GDAP1: variants seen among roughly 807,000 people sequenced by gnomAD.
GDAP1 encodes ganglioside-induced differentiation-associated protein 1.
GDAP1 carries 34 observed loss-of-function variants against 40.1 expected under a neutral mutation model. The ratio of observed to expected loss-of-function variants is 0.85; its 90% CI spans 0.64 to 1.13. The LOEUF (loss-of-function observed/expected upper bound fraction) is 1.13. Among genes scored for constraint, GDAP1 ranks in the 50% most tolerant of loss-of-function variants. The pLI is 0.00. For missense variants in GDAP1, 374 were observed against 433.7 expected, an observed-to-expected ratio of 0.86 and a Z score of 1.22; for synonymous variants, 170 against 157.4, an observed-to-expected ratio of 1.08 and a Z score of -0.60.
At chr8:74,422,346 TTTCTTCCCTTCCTTCC>T (rs1317123522) in intron 2 of GDAP1, among the ~76,000 whole-genome samples, 5,167 of 49,314 alleles carry the variant, frequency 0.1, 266 homozygotes, top group South Asian at 0.16. Context: ...TCTTTCTTTC[TTTCTTCCCTTCCTTCC>T]TTCCTTCCTT....
intron 2 of GDAP1, among the ~76,000 whole-genome samples, chr8:74,352,415 A>C (rs1329997078): frequency 5.3e-4 from 1 of 1,902 alleles, no homozygotes; most frequent in East Asian, 0.25. Context: ...TGATGTTAAT[A>C]GGGTAGGTGA....
chr8:74,378,204 A>G (rs1809890796), intron 2 of GDAP1, among the ~76,000 whole-genome samples: 1 of 151,944 alleles, frequency 6.6e-6, no homozygotes, highest in Non-Finnish European at 1.5e-5. Flanking sequence ...CTACCAGGCC[A>G]CTCTCCTGGA....
chr8:74,396,754 A>G (rs974303938), intron 2 of GDAP1, among the ~76,000 whole-genome samples: 2 of 152,248 alleles, frequency 1.3e-5, no homozygotes, highest in African/African-American at 4.8e-5. Context: ...CCAGTCTATC[A>G]TTGTTGGACA....
chr8:74,402,734 C>G (rs1810369524), intron 2 of GDAP1, among the ~76,000 whole-genome samples: 1 of 149,926 alleles, frequency 6.7e-6, no homozygotes, highest in Admixed American at 6.6e-5. Context: ...GCACTAAAAG[C>G]AAAAAATACT....
At chr8:74,397,920 G>A (rs1456343672) in intron 2 of GDAP1, among the ~76,000 whole-genome samples, 1 of 151,644 alleles carries the variant, frequency 6.6e-6, no homozygotes, top group African/African-American at 2.4e-5. Context: ...GATGGGGATG[G>A]CATTGAATCT....
intron 2 of GDAP1, among the ~76,000 whole-genome samples, chr8:74,427,021 T>A (rs1805956325): frequency 6.6e-6 from 1 of 152,210 alleles, no homozygotes; most frequent in Admixed American, 6.5e-5. Context: ...GGCCTCTTCT[T>A]ACATGGACTG....
In GDAP1 at chr8:74,412,645, C is replaced by A. The variant is rs949813616; in HGVS notation, c.165+61324C>A. ...CTAGAATTTAATAATAAAGGCAAAA[C>A]AAAATTTTACTAACACAAATACTAA... On this transcript the variant is annotated intron_variant, in intron 2 of 2. Transcript: ENST00000523640. Among the ~76,000 whole-genome samples the A allele has an allele frequency of 8.7e-5, 13 of 149,758 alleles. 4 individuals are homozygous for A. The highest frequency in any genetic ancestry group is 3.3e-4 in the African/African-American group (13 of 39,214).
chr8:74,396,760 G>A (rs1302554204), intron 2 of GDAP1, among the ~76,000 whole-genome samples: 5 of 152,120 alleles, frequency 3.3e-5, no homozygotes, highest in Non-Finnish European at 7.3e-5. Context: ...TATCATTGTT[G>A]GACATTTGGG....
At chr8:74,463,657 CAT>C (rs1247374174) in intron 2 of GDAP1, among the ~76,000 whole-genome samples, 1 of 151,992 alleles carries the variant, frequency 6.6e-6, no homozygotes, top group Non-Finnish European at 1.5e-5. Flanking sequence ...AAGTGTAAGA[CAT>C]ATGTAGCTTT....
chr8:74,483,627 C>A (rs1048806330), intron 2 of GDAP1, among the ~76,000 whole-genome samples: 7 of 152,136 alleles, frequency 4.6e-5, no homozygotes, highest in Admixed American at 1.3e-4. Context: ...AAACTCCATA[C>A]TCTCAGAGGC....
At chr8:74,467,176 G>A (rs1271416167) in intron 2 of GDAP1, among the ~76,000 whole-genome samples, 1 of 152,216 alleles carries the variant, frequency 6.6e-6, no homozygotes, top group African/African-American at 2.4e-5. Flanking sequence ...AGTAGAGAAG[G>A]AGTTGGAAGT....
chr8:74,484,407 G>A (rs533840896), intron 2 of GDAP1, among the ~76,000 whole-genome samples: 2 of 152,104 alleles, frequency 1.3e-5, no homozygotes, highest in Non-Finnish European at 2.9e-5. Context: ...ATTTGTAACA[G>A]CATTCCATTA....
At chr8:74,466,282 C>A (rs1448910575) in intron 2 of GDAP1, among the ~76,000 whole-genome samples, 1 of 152,162 alleles carries the variant, frequency 6.6e-6, no homozygotes, top group African/African-American at 2.4e-5. Flanking sequence ...CACTGCAGGG[C>A]CCCAGGGTTC....
rs192191544 is a variant in GDAP1, at chr8:74,431,776, C to T, written c.166-56902C>T. Among the ~76,000 whole-genome samples, 715 of 152,208 alleles carry T rather than the reference C, an allele frequency of 4.7e-3. 4 individuals carry two copies. Among genetic ancestry groups the T allele is most frequent in the African/African-American group, 0.016 (677 of 41,530 alleles). On this transcript the variant is annotated intron_variant, in intron 2 of 2. Transcript: ENST00000523640. The stretch of plus-strand genomic sequence containing the variant: ...AATTACAGGTGTGAGCCACTGCACC[C>T]GGCCTCAAAATTCTTTATAATAAAA...
chr8:74,448,272 T>C (rs1057343304), intron 2 of GDAP1, among the ~76,000 whole-genome samples: 7 of 152,130 alleles, frequency 4.6e-5, no homozygotes, highest in Non-Finnish European at 7.4e-5. Context: ...TGTCTTTTCA[T>C]TTGCTCCACG....
intron 2 of GDAP1, among the ~76,000 whole-genome samples, chr8:74,433,031 A>C (rs752413064): frequency 6.6e-6 from 1 of 152,130 alleles, no homozygotes; most frequent in Non-Finnish European, 1.5e-5. Flanking sequence ...TATATTCTTC[A>C]GTAAACTCAG....
chr8:74,471,218 G>A (rs981222752), intron 2 of GDAP1, among the ~76,000 whole-genome samples: 12 of 152,068 alleles, frequency 7.9e-5, no homozygotes, highest in African/African-American at 1.7e-4. Context: ...TCTGATGGTA[G>A]TTTCTTTTGC....
chr8:74,488,522 G>A (rs1806803965), intron 2 of GDAP1, among the ~76,000 whole-genome samples: 1 of 152,172 alleles, frequency 6.6e-6, no homozygotes, highest in Admixed American at 6.5e-5. Context: ...GTTATGGATA[G>A]AGTGAGTTAG....
chr8:74,352,725 G>A lies in GDAP1; in HGVS notation c.310+1259G>A, dbSNP rs929037692. Among the ~76,000 whole-genome samples the A allele has an allele frequency of 3.9e-5, 6 of 152,070 alleles. No homozygotes were observed. The South Asian group carries it at 1.2e-3, about 32-fold the overall frequency. On this transcript the variant is annotated intron_variant, in intron 2 of 5. Coordinates refer to ENST00000220822, the MANE Select transcript of GDAP1 (RefSeq NM_018972.4). ...TATTCCTTATAAATTTATATGCTGG[G>A]GACTGTACTGAAAATGACAACTAGT...
Sources: allele counts gnomAD v4.1 joint callset (sites outside exome capture counted in the v4.1 genomes callset), GRCh38; gene constraint gnomAD v4.1.1; transcripts MANE v1.5; gene names NCBI Gene and HGNC (gene_info 2026-07-23, HGNC 2026-07-21).